The following ZFYVE1 variants were observed in gnomAD, a reference collection of about 807,000 sequenced individuals.
The protein encoded by ZFYVE1 is zinc finger FYVE domain-containing protein 1.
Under a neutral mutation model 74.4 loss-of-function variants are expected in ZFYVE1, and 30 were observed. The ratio of observed to expected loss-of-function variants is 0.40; its 90% CI spans 0.30 to 0.55. The LOEUF (loss-of-function observed/expected upper bound fraction) is 0.55. Among genes scored for constraint, ZFYVE1 ranks in the 20% least tolerant of loss-of-function variants. ZFYVE1 has a pLI of 0.42. For missense variants in ZFYVE1, 703 were observed against 1,011.6 expected, an observed-to-expected ratio of 0.69 and a Z score of 4.14; for synonymous variants, 335 against 385.1, an observed-to-expected ratio of 0.87 and a Z score of 1.52.
intron 2 of ZFYVE1, among the ~76,000 whole-genome samples, chr14:73,004,829 C>A (rs1184086906): frequency 6.6e-6 from 1 of 152,054 alleles, no homozygotes; most frequent in African/African-American, 2.4e-5. Flanking sequence ...AAAACCCTAT[C>A]TCTACTAAAA....
At chr14:72,993,703 A>G (rs550615600) in intron 3 of ZFYVE1, among the ~76,000 whole-genome samples, 1 of 151,872 alleles carries the variant, frequency 6.6e-6, no homozygotes, top group East Asian at 1.9e-4. Flanking sequence ...ATCTCAAACA[A>G]CAACAACAAA....
intron 11 of ZFYVE1, among the ~76,000 whole-genome samples, 182 bp from the exon 12 acceptor site, chr14:72,971,296 G>C (rs1202772400): frequency 1.3e-5 from 2 of 152,164 alleles, no homozygotes; most frequent in Non-Finnish European, 2.9e-5. Flanking sequence ...GAGTCTTTGG[G>C]GCTGTCGCAT....
rs1893135997 is a variant in ZFYVE1 at position 72,975,179 on chromosome 14, C to T, written c.1807-220G>A. The T allele has an allele frequency of 5.4e-6, 3 of 551,954 alleles. No individual in the cohort carries two copies. Among genetic ancestry groups the T allele is most frequent in the African/African-American group, 3.8e-5 (2 of 53,014 alleles). 34.2% of individuals were successfully genotyped at this position (551,954 alleles called of 1,614,324 possible). On this transcript the variant is annotated intron_variant, in intron 9 of 11. Coordinates refer to ENST00000556143, the MANE Select transcript of ZFYVE1 (RefSeq NM_021260.4). The surrounding 1 kb of genome is among the most constrained non-coding windows in gnomAD (Gnocchi z 4.1). Reference sequence around the variant, plus strand: ...TAAGTGTCTGGGTTGAAGCTGGGTGCTCTCTTGCTCTGGGTGCTGTAGCGT... The same window carrying T: ...TAAGTGTCTGGGTTGAAGCTGGGTGTTCTCTTGCTCTGGGTGCTGTAGCGT...
Position 72,983,138 on chromosome 14 carries a change from C to T in ZFYVE1, c.1204-1243G>A, listed in dbSNP as rs1893381517. Among the ~76,000 whole-genome samples the T allele has an allele frequency of 2.0e-5, 3 of 152,130 alleles. No homozygotes were observed. The South Asian group carries it at 6.2e-4, about 32-fold the overall frequency. On this transcript the variant is annotated intron_variant, in intron 4 of 11. Transcript: ENST00000556143. ...GGGATTACAGACGTAAGCCACCATGCTCAGCTGAACAATTAGAACTTCTTA... is the reference window on the plus strand; with the variant it reads ...GGGATTACAGACGTAAGCCACCATGTTCAGCTGAACAATTAGAACTTCTTA...
At chr14:73,005,261 A>C (rs1434980824) in intron 2 of ZFYVE1, among the ~76,000 whole-genome samples, 2 of 152,112 alleles carry the variant, frequency 1.3e-5, no homozygotes, top group Admixed American at 1.3e-4. Context: ...GAAAAATAAG[A>C]AGATTCCCTT....
intron 2 of ZFYVE1, among the ~76,000 whole-genome samples, chr14:73,014,818 C>T (rs1017929874): frequency 6.6e-6 from 1 of 152,168 alleles, no homozygotes; most frequent in Non-Finnish European, 1.5e-5. Context: ...AAAGAACAAG[C>T]CCCATGAAGC....
chr14:73,016,185 T>C (rs1429730110), intron 2 of ZFYVE1, among the ~76,000 whole-genome samples: 2 of 152,122 alleles, frequency 1.3e-5, no homozygotes, highest in Non-Finnish European at 2.9e-5. Context: ...AGATGACTCG[T>C]CAGCATGAAT....
At chr14:73,025,924 G>C (rs1894450776) in intron 1 of ZFYVE1, among the ~76,000 whole-genome samples, 1 of 152,026 alleles carries the variant, frequency 6.6e-6, no homozygotes, top group Non-Finnish European at 1.5e-5. Flanking sequence ...GGGAGGAGTG[G>C]AGAGGCCTTC....
chr14:73,002,095 C>T (rs1893884944), intron 2 of ZFYVE1, among the ~76,000 whole-genome samples: 1 of 152,034 alleles, frequency 6.6e-6, no homozygotes, highest in African/African-American at 2.4e-5. Context: ...GTAACAACAA[C>T]AAAAAAGAAT....
At chr14:73,008,045 G>C (rs1479221721) in intron 2 of ZFYVE1, among the ~76,000 whole-genome samples, 1 of 152,204 alleles carries the variant, frequency 6.6e-6, no homozygotes, top group East Asian at 1.9e-4. Flanking sequence ...TTACTTGAGA[G>C]GTCAGGAATT....
At chr14:73,002,252 G>A (rs1465954427) in intron 2 of ZFYVE1, among the ~76,000 whole-genome samples, 1 of 138,324 alleles carries the variant, frequency 7.2e-6, no homozygotes, top group Admixed American at 7.0e-5. Flanking sequence ...TAGATTAGTG[G>A]TTGCTAGAGG....
intron 2 of ZFYVE1, among the ~76,000 whole-genome samples, chr14:72,999,238 G>A (rs1893818095): frequency 6.6e-6 from 1 of 152,150 alleles, no homozygotes; most frequent in Admixed American, 6.5e-5. Context: ...AGACCAGCCT[G>A]ACCAACATGG....
At chr14:72,979,898 C>A (rs562795593) in intron 5 of ZFYVE1, among the ~76,000 whole-genome samples, 4 of 152,120 alleles carry the variant, frequency 2.6e-5, no homozygotes, top group Non-Finnish European at 5.9e-5. Flanking sequence ...GCTGAACAAG[C>A]CTTCCAAATG....
chr14:72,983,713 A>G (rs1893403365), intron 4 of ZFYVE1, among the ~76,000 whole-genome samples: 1 of 152,166 alleles, frequency 6.6e-6, no homozygotes. Flanking sequence ...TTGGGTATAT[A>G]CCCAGTAATG....
intron 2 of ZFYVE1, among the ~76,000 whole-genome samples, chr14:73,018,606 G>C (rs762628645): frequency 2.0e-4 from 30 of 151,990 alleles, no homozygotes; most frequent in Non-Finnish European, 2.5e-4. Flanking sequence ...CTCTATGAAG[G>C]AATGGACCAT....
chr14:72,981,712 C>A (rs1053155302), intron 5 of ZFYVE1, 77 bp downstream of exon 5: 2 of 1,387,500 alleles, frequency 1.4e-6, no homozygotes, highest in Admixed American at 3.4e-5. Flanking sequence ...TGCATCCACA[C>A]CAAAGTCTAG....
intron 3 of ZFYVE1, among the ~76,000 whole-genome samples, chr14:72,995,044 C>T (rs1406182859): frequency 6.6e-6 from 1 of 152,148 alleles, no homozygotes; most frequent in African/African-American, 2.4e-5. Context: ...GTTGAAAGGA[C>T]TTTTTAATTT....
intron 4 of ZFYVE1, 35 bp downstream of exon 4, chr14:72,993,108 C>T (rs752690594): frequency 1.9e-6 from 3 of 1,539,976 alleles, no homozygotes; most frequent in East Asian, 4.5e-5. Flanking sequence ...CACTGGCACC[C>T]CAATGAGAAG....
intron 3 of ZFYVE1, among the ~76,000 whole-genome samples, chr14:72,997,473 C>T (rs1893774622): frequency 6.6e-6 from 1 of 152,104 alleles, no homozygotes; most frequent in African/African-American, 2.4e-5. Flanking sequence ...GCTAGAATTA[C>T]AGGCACTTGC....
Sources: allele counts gnomAD v4.1 joint callset (sites outside exome capture counted in the v4.1 genomes callset), GRCh38; gene constraint gnomAD v4.1.1; non-coding constraint Gnocchi (gnomAD v3.1); transcripts MANE v1.5; gene names NCBI Gene and HGNC (gene_info 2026-07-23, HGNC 2026-07-21).